LRRFIP1: variants seen among roughly 807,000 people sequenced by gnomAD.
The protein encoded by LRRFIP1 is leucine-rich repeat flightless-interacting protein 1.
In LRRFIP1, 62 loss-of-function variants were observed where a neutral mutation model predicts 104.4. That is an observed-to-expected ratio of 0.59 (90% CI 0.48 to 0.73). The LOEUF is 0.73. Ranked by LOEUF, LRRFIP1 falls within the 30% of genes least tolerant of loss-of-function variation. LRRFIP1 has a pLI of 0.00. For missense variants in LRRFIP1, 796 were observed against 824.5 expected, an observed-to-expected ratio of 0.97 and a Z score of 0.42; for synonymous variants, 300 against 299.0, an observed-to-expected ratio of 1.00 and a Z score of -0.03.
chr2:237,781,596 C>T lies in LRRFIP1; in HGVS notation c.*2064C>T, dbSNP rs571164210. On this transcript the variant is annotated 3_prime_UTR_variant, in exon 24 of 24. Coordinates refer to ENST00000308482, the MANE Select transcript of LRRFIP1 (RefSeq NM_001137550.2). ...TCCTAATCCAGAGGAAGCTAGAACA[C>T]GATTTTTAAATTTATTTAGTAAAAT... Among the ~76,000 whole-genome samples the T allele has an allele frequency of 1.3e-5, 2 of 152,294 alleles. No individual in the cohort carries two copies. Among genetic ancestry groups the T allele is most frequent in the African/African-American group, 2.4e-5 (1 of 41,558 alleles).
chr2:237,653,821 A>G (rs1270295923), intron 1 of LRRFIP1, among the ~76,000 whole-genome samples: 1 of 152,182 alleles, frequency 6.6e-6, no homozygotes, highest in African/African-American at 2.4e-5. Flanking sequence ...ATGAAATTAG[A>G]CCCTCATCTC....
intron 1 of LRRFIP1, among the ~76,000 whole-genome samples, chr2:237,664,544 C>G (rs1288992124): frequency 6.6e-6 from 1 of 152,234 alleles, no homozygotes; most frequent in African/African-American, 2.4e-5. Context: ...GAGTGCTGCT[C>G]CAAGACTGAA....
intron 1 of LRRFIP1, among the ~76,000 whole-genome samples, chr2:237,671,623 C>T (rs1468807571): frequency 6.6e-6 from 1 of 151,982 alleles, no homozygotes; most frequent in Non-Finnish European, 1.5e-5. Flanking sequence ...AGGAGTGGCT[C>T]AGGAGCTCTC....
At chr2:237,745,175 G>T (rs1382657958) in intron 11 of LRRFIP1, among the ~76,000 whole-genome samples, 1 of 152,220 alleles carries the variant, frequency 6.6e-6, no homozygotes, top group Non-Finnish European at 1.5e-5. Flanking sequence ...CCCGGCCCCT[G>T]CAGCTGTGAC....
Position 237,771,168 on chromosome 2 carries a change from C to T in LRRFIP1, c.1510-913C>T, listed in dbSNP as rs182365107. Among the ~76,000 whole-genome samples, 555 of 152,190 alleles carry T rather than the reference C, an allele frequency of 3.6e-3. 3 individuals are homozygous for T. Among genetic ancestry groups the T allele is most frequent in the Middle Eastern group, 0.01 (3 of 294 alleles). ...TTGGAAGTTAAACATGAAAAGCCCC[C>T]GGAGACCCCACGAACTAGATGCCAG... On this transcript the variant is annotated intron_variant, in intron 20 of 23. Coordinates refer to ENST00000308482, the MANE Select transcript of LRRFIP1 (RefSeq NM_001137550.2).
At chr2:237,742,406 G>A (rs867861920) in intron 11 of LRRFIP1, among the ~76,000 whole-genome samples, 46 of 152,258 alleles carry the variant, frequency 3.0e-4, no homozygotes, top group South Asian at 4.1e-4. Flanking sequence ...GAAACCTCCC[G>A]TATGTGGTTC....
chr2:237,739,246 C>T lies in LRRFIP1; in HGVS notation c.570C>T (p.Ser190=), dbSNP rs866784658. Residue 190 remains serine (S), a synonymous_variant, in exon 11 of 24, where the codon AGC becomes AGT. Transcript: ENST00000308482. ...TSGSRAPSEY[S]GHLNSSSRAS... ...TGTGTGGGCAGCCCTCGGAGTACAG[C>T]GGCCACCTCAACTCCAGCTCCCGCG... 3.8e-6 allele frequency: 6 copies of T among 1,563,196 alleles called. No homozygotes were observed. Among genetic ancestry groups the T allele is most frequent in the South Asian group, 2.4e-5 (2 of 84,882 alleles).
chr2:237,641,789 T>C (rs1472245290), intron 1 of LRRFIP1, among the ~76,000 whole-genome samples: 1 of 152,218 alleles, frequency 6.6e-6, no homozygotes, highest in Non-Finnish European at 1.5e-5. Context: ...GAAAATAACA[T>C]ATAACATGCA....
chr2:237,714,365 A>C, intron 3 of LRRFIP1, 89 bp downstream of exon 3: 1 of 1,001,942 alleles, frequency 1.0e-6, no homozygotes, highest in Non-Finnish European at 1.5e-6. Context: ...AACACCTTGC[A>C]CTGAAGATAC....
rs988869156 is a variant in LRRFIP1 at position 237,711,260 on chromosome 2, T to G, written c.183+2630T>G. Among the ~76,000 whole-genome samples, 7 of 152,222 alleles carry G rather than the reference T, an allele frequency of 4.6e-5. No homozygotes were observed. Among genetic ancestry groups the G allele is most frequent in the African/African-American group, 1.7e-4 (7 of 41,452 alleles). On this transcript the variant is annotated intron_variant, in intron 2 of 23. Transcript: ENST00000308482. This position sits in a 1 kb window ranked among gnomAD's most constrained non-coding sequence, Gnocchi z 4.4. The stretch of plus-strand genomic sequence containing the variant: ...CTCACGTAAAACGCCATGGTTTGCC[T>G]TCTTCAGCATGAGTACAGATGTCAT...
rs2058593563 is a variant in LRRFIP1, at chr2:237,751,281, C to T, written c.867+10C>T. 2 of 1,595,360 alleles carry T rather than the reference C, an allele frequency of 1.3e-6. No homozygotes were observed. Among genetic ancestry groups the T allele is most frequent in the Middle Eastern group, 3.3e-4 (2 of 6,040 alleles). On this transcript the variant is annotated intron_variant, in intron 14 of 23. Transcript: ENST00000308482. Reference sequence around the variant, plus strand: ...ATTGAAAGAGATGAAGGTACCAATTCACAGACGTGTGGTCTCACGATATTA... The same window carrying T: ...ATTGAAAGAGATGAAGGTACCAATTTACAGACGTGTGGTCTCACGATATTA...
At chr2:237,759,806 G>A (rs575088068) in intron 18 of LRRFIP1, among the ~76,000 whole-genome samples, 3 of 152,310 alleles carry the variant, frequency 2.0e-5, no homozygotes, top group African/African-American at 7.2e-5. Flanking sequence ...AGGATGCCTG[G>A]TGGAAGTAGC....
intron 9 of LRRFIP1, among the ~76,000 whole-genome samples, chr2:237,734,305 G>A (rs1276690136): frequency 1.1e-4 from 12 of 106,662 alleles, no homozygotes; most frequent in Non-Finnish European, 5.1e-5. Context: ...TTTGGAGACA[G>A]AATCTCCCTC....
At chr2:237,641,328 A>G (rs2083932625) in intron 1 of LRRFIP1, among the ~76,000 whole-genome samples, 1 of 152,002 alleles carries the variant, frequency 6.6e-6, no homozygotes, top group Non-Finnish European at 1.5e-5. Context: ...CCTGGCCAAC[A>G]TGGTGAAACC....
chr2:237,646,074 T>G (rs35079344), intron 1 of LRRFIP1, among the ~76,000 whole-genome samples: 19,617 of 151,980 alleles, frequency 0.13, 1,971 homozygotes, highest in Non-Finnish European at 0.2. Flanking sequence ...ATGCACCATG[T>G]GTCTAAGCCC....
intron 19 of LRRFIP1, chr2:237,763,873 C>T (rs374261824): frequency 3.5e-5 from 56 of 1,614,072 alleles, no homozygotes; most frequent in Admixed American, 8.3e-5. Context: ...AACCAAAGAG[C>T]GAAGACGCAG....
intron 11 of LRRFIP1, among the ~76,000 whole-genome samples, chr2:237,742,318 C>T (rs960564552): frequency 3.3e-5 from 5 of 152,134 alleles, no homozygotes; most frequent in Non-Finnish European, 5.9e-5. Flanking sequence ...CTGGTTGGCA[C>T]GCTTAGGGAA....
At chr2:237,772,275 T>C in intron 21 of LRRFIP1, 77 bp downstream of exon 21, 1 of 1,165,280 alleles carries the variant, frequency 8.6e-7, no homozygotes. Context: ...CAGAGAAAAC[T>C]GTCACGGCAA....
intron 14 of LRRFIP1, among the ~76,000 whole-genome samples, chr2:237,751,572 A>G (rs961784627): frequency 6.6e-6 from 1 of 152,184 alleles, no homozygotes; most frequent in African/African-American, 2.4e-5. Flanking sequence ...CTCATTTCCC[A>G]TAGGCGTGTG....
Sources: gnomAD v4.1 joint callset for allele counts (sites outside exome capture counted in the v4.1 genomes callset) on GRCh38, gnomAD v4.1.1 for gene constraint, Gnocchi (gnomAD v3.1) non-coding constraint, MANE v1.5 for transcripts, NCBI Gene and HGNC (gene_info 2026-07-23, HGNC 2026-07-21) for gene names.